NOTCH2: variants seen among roughly 807,000 people sequenced by gnomAD.
NOTCH2 encodes notch receptor 2.
A neutral mutation model predicts 235.8 loss-of-function variants in NOTCH2; 29 were observed. The ratio of observed to expected loss-of-function variants is 0.12; its 90% CI spans 0.09 to 0.17. The LOEUF (loss-of-function observed/expected upper bound fraction) is 0.17, where lower values mean the gene tolerates loss of function less well. NOTCH2 is among the 10% of genes least tolerant of loss of function. The pLI, the probability that NOTCH2 is intolerant of heterozygous loss-of-function variation, is 1.00. For synonymous variants in NOTCH2, 1,086 were observed against 1,141.5 expected (o/e 0.95, Z 0.98); for missense variants, 2,285 against 3,150.2 (o/e 0.73, Z 6.57).
chr1:119,936,721 T>C (rs1392549053), intron 21 of NOTCH2, among the ~76,000 whole-genome samples: 1 of 152,128 alleles, frequency 6.6e-6, no homozygotes, highest in Admixed American at 6.5e-5. Context: ...TCAGGCATTT[T>C]GCTAATATCT....
At chr1:120,041,933 G>A (rs1654588274) in intron 1 of NOTCH2, among the ~76,000 whole-genome samples, 1 of 142,414 alleles carries the variant, frequency 7.0e-6, no homozygotes, top group African/African-American at 2.9e-5. Context: ...GAGGAAGGAA[G>A]CAAAAGAAAG....
At chr1:119,954,926 CA>C in intron 13 of NOTCH2, 113 bp downstream of exon 13, 12 of 1,013,950 alleles carry the variant, frequency 1.2e-5, no homozygotes, top group South Asian at 9.6e-5. Flanking sequence ...ACCAAATCTT[CA>C]GCAAAGTTTC....
intron 1 of NOTCH2, among the ~76,000 whole-genome samples, chr1:120,047,999 C>A (rs587767393): frequency 6.6e-6 from 1 of 151,704 alleles, no homozygotes; most frequent in African/African-American, 2.4e-5. Context: ...AACTCCTGAT[C>A]TCGTGATCCG....
At chr1:119,983,572 T>C (rs1473445678) in intron 5 of NOTCH2, among the ~76,000 whole-genome samples, 1 of 152,212 alleles carries the variant, frequency 6.6e-6, no homozygotes, top group Non-Finnish European at 1.5e-5. Flanking sequence ...ATAGGATGAA[T>C]TTAGAATGTT....
chr1:119,937,976 T>C lies in NOTCH2; in HGVS notation c.3218A>G (p.Lys1073Arg). ...LVNLCSRSPC[K>R]NKGTCVQKKA... is the part of the protein sequence containing the mutation. ...TTTCTGAACGCAAGTACCTTTGTTT[T>C]TACATGGAGACCGACTGCAGAGATT... is the stretch of plus-strand genomic sequence containing the variant. Residue 1073 changes from lysine to arginine, a missense_variant, in exon 20 of 34, where the codon AAA becomes AGA. Physicochemically the swap from Lys to Arg is conservative, Grantham distance 26. Around this residue, in one of 6 missense-constraint regions of NOTCH2, gnomAD observed 1,173 missense variants for 1,515.3 expected, o/e 0.77. Transcript: ENST00000256646. 1 of 1,614,180 alleles carries C rather than the reference T, an allele frequency of 6.2e-7. No individual in the cohort carries two copies. Among genetic ancestry groups the C allele is most frequent in the Non-Finnish European group, 8.5e-7 (1 of 1,180,032 alleles).
intron 33 of NOTCH2, 54 bp downstream of exon 33, chr1:119,917,611 T>C (rs587653836): frequency 1.2e-5 from 14 of 1,140,114 alleles, no homozygotes; most frequent in Middle Eastern, 2.0e-4. Flanking sequence ...GGAATGGGCT[T>C]ATAACTGAGG....
chr1:119,933,906 T>C (rs1254086839), intron 22 of NOTCH2, among the ~76,000 whole-genome samples: 1 of 152,232 alleles, frequency 6.6e-6, no homozygotes, highest in East Asian at 1.9e-4. Context: ...GTGATATGTG[T>C]TGCTTCCAGA....
chr1:119,975,489 T>C (rs1235697794), intron 5 of NOTCH2, among the ~76,000 whole-genome samples: 1 of 151,822 alleles, frequency 6.6e-6, no homozygotes, highest in Non-Finnish European at 1.5e-5. Flanking sequence ...TTACTAAAAA[T>C]ACAAAAATTA....
Position 119,967,553 on chromosome 1 carries a change from G to T in NOTCH2, c.1333C>A (p.Leu445Met). ...CAACGAGGTCCTGCATAACCCTTCA[G>T]ACACTCACAGTGGAAGGCGCCATCC... ...NTDGAFHCECLKGYAGPRCEM... is the reference protein window; with the variant it reads ...NTDGAFHCECMKGYAGPRCEM... The change falls in exon 8 of 34, where the codon CTG (leucine) becomes ATG (methionine). Residue 445 changes from leucine to methionine, a missense_variant. Transcript: ENST00000256646. The T allele has an allele frequency of 6.2e-7, 1 of 1,614,088 alleles. No individual in the cohort carries two copies.
In NOTCH2 at chr1:119,923,693, C is replaced by T; in HGVS notation, c.4803G>A (p.Lys1601=). Residue 1601 remains lysine (K), a synonymous_variant, in exon 26 of 34, where the codon AAG becomes AAA. Transcript: ENST00000256646. ...GGGATCTGCGTGTCATCCTCTGTTT[C>T]TTCATAGCAGCTGACTTCTCACCAT... ...PYYGEKSAAM[K]KQRMTRRSLP... 1 of 1,614,194 alleles carries T rather than the reference C, an allele frequency of 6.2e-7. No individual in the cohort carries two copies. The highest frequency in any genetic ancestry group is 8.5e-7 in the Non-Finnish European group (1 of 1,180,036).
At chr1:119,986,182 G>A (rs1652011159) in intron 5 of NOTCH2, among the ~76,000 whole-genome samples, 1 of 152,142 alleles carries the variant, frequency 6.6e-6, no homozygotes, top group African/African-American at 2.4e-5. Context: ...CTAACTTCCT[G>A]TTGGGTTTCC....
intron 2 of NOTCH2, among the ~76,000 whole-genome samples, chr1:120,017,523 C>A (rs1524890): frequency 1.3e-5 from 2 of 152,226 alleles, no homozygotes; most frequent in Non-Finnish European, 2.9e-5. Context: ...TGCAGAAGCA[C>A]AAGGTCAAAA....
chr1:119,936,082 G>A (rs950248032), intron 21 of NOTCH2, among the ~76,000 whole-genome samples: 5 of 151,564 alleles, frequency 3.3e-5, no homozygotes, highest in Non-Finnish European at 7.4e-5. Context: ...TAGGGGTAGA[G>A]GGAGGTGGGG....
At chr1:120,062,853 A>G (rs1655360797) in intron 1 of NOTCH2, among the ~76,000 whole-genome samples, 1 of 152,114 alleles carries the variant, frequency 6.6e-6, no homozygotes, top group Non-Finnish European at 1.5e-5. Flanking sequence ...ATTTACATAC[A>G]CAAGTTAATA....
chr1:119,975,854 C>A (rs1372510895), intron 5 of NOTCH2, among the ~76,000 whole-genome samples: 1 of 152,062 alleles, frequency 6.6e-6, no homozygotes, highest in African/African-American at 2.4e-5. Context: ...TCTCTCAAGG[C>A]AAGGGCCCCA....
chr1:119,982,363 G>T (rs782423173), intron 5 of NOTCH2, among the ~76,000 whole-genome samples: 22 of 152,290 alleles, frequency 1.4e-4, no homozygotes, highest in Non-Finnish European at 3.1e-4. Context: ...AATCACATCT[G>T]CCCCAGAAGT....
At chr1:119,986,220 C>A (rs1652012035) in intron 5 of NOTCH2, among the ~76,000 whole-genome samples, 1 of 152,098 alleles carries the variant, frequency 6.6e-6, no homozygotes, top group Non-Finnish European at 1.5e-5. Context: ...CTCAAAAAGG[C>A]CCAGCTCTTA....
chr1:119,987,407 C>CA (rs1286829402), intron 4 of NOTCH2, among the ~76,000 whole-genome samples: 2 of 152,108 alleles, frequency 1.3e-5, no homozygotes, highest in Non-Finnish European at 2.9e-5. Flanking sequence ...TCTAAAAAAA[C>CA]AGGGTATTGG....
chr1:119,967,869 G>A (rs1651204867), intron 7 of NOTCH2, among the ~76,000 whole-genome samples: 1 of 152,140 alleles, frequency 6.6e-6, no homozygotes, highest in South Asian at 2.1e-4. Flanking sequence ...TAAGAATCAA[G>A]TACATACGTT....
Sources: allele counts gnomAD v4.1 joint callset (sites outside exome capture counted in the v4.1 genomes callset), GRCh38; gene constraint gnomAD v4.1.1; regional missense constraint gnomAD v4.1.1; transcripts MANE v1.5; gene names NCBI Gene and HGNC (gene_info 2026-07-23, HGNC 2026-07-21).